Variants in COL19A1 observed in about 807,000 individuals in gnomAD.
COL19A1 encodes the protein collagen alpha-1(XIX) chain.
In COL19A1, 159 loss-of-function variants were observed where a neutral mutation model predicts 190.2. The observed-to-expected ratio is 0.84, with a 90% confidence interval of 0.73 to 0.95. COL19A1 has a LOEUF of 0.95. COL19A1 is among the 40% of genes least tolerant of loss of function. COL19A1 has a pLI of 0.00. For missense variants in COL19A1, 1,418 were observed against 1,431.9 expected, an observed-to-expected ratio of 0.99 and a Z score of 0.16; for synonymous variants, 509 against 458.9, an observed-to-expected ratio of 1.11 and a Z score of -1.39.
chr6:70,002,832 A>G (rs1225544807), intron 11 of COL19A1, among the ~76,000 whole-genome samples: 1 of 148,490 alleles, frequency 6.7e-6, no homozygotes, highest in Admixed American at 6.7e-5. Context: ...TCAAAAAAGC[A>G]GCACCTGGAT....
At position 70,125,883 on chromosome 6, in the gene COL19A1, T is replaced by G. The variant is rs1785164283; in HGVS notation, c.1341+3941T>G. Among the ~76,000 whole-genome samples the G allele has an allele frequency of 2.0e-5, 3 of 152,156 alleles. No homozygotes were observed. The South Asian group carries it at 6.2e-4, about 32-fold the overall frequency. ...ACTTCATTGTTTCCAGCTCTGGGGGTTTTAATAAAAATTTGATAGGCTCTG... is the reference window on the plus strand; with the variant it reads ...ACTTCATTGTTTCCAGCTCTGGGGGGTTTAATAAAAATTTGATAGGCTCTG... On this transcript the variant is annotated intron_variant, in intron 17 of 50. Transcript: ENST00000620364.
At chr6:70,124,331 G>A (rs755198074) in intron 17 of COL19A1, among the ~76,000 whole-genome samples, 5 of 151,962 alleles carry the variant, frequency 3.3e-5, no homozygotes, top group Non-Finnish European at 5.9e-5. Flanking sequence ...TATTACTATC[G>A]CCCTTGGTAT....
intron 17 of COL19A1, 127 bp downstream of exon 17, chr6:70,122,069 T>G (rs995758202): frequency 1.8e-5 from 10 of 557,854 alleles, no homozygotes; most frequent in Non-Finnish European, 3.1e-5. Flanking sequence ...TTAAACATCT[T>G]TCCATACTGA....
intron 11 of COL19A1, among the ~76,000 whole-genome samples, chr6:69,978,204 T>C (rs891859631): frequency 1.3e-5 from 2 of 152,166 alleles, no homozygotes; most frequent in African/African-American, 4.8e-5. Context: ...GGTTGAAGTA[T>C]AGCTGTTGCC....
At chr6:70,009,445 G>A (rs1777845345) in intron 11 of COL19A1, among the ~76,000 whole-genome samples, 1 of 151,978 alleles carries the variant, frequency 6.6e-6, no homozygotes, top group East Asian at 1.9e-4. Context: ...ATTGCTAAAA[G>A]CAATTCAAGA....
intron 15 of COL19A1, among the ~76,000 whole-genome samples, chr6:70,097,073 C>T (rs1480675446): frequency 6.6e-6 from 1 of 152,162 alleles, no homozygotes; most frequent in Non-Finnish European, 1.5e-5. Flanking sequence ...CAAAAACCAT[C>T]TGTCAAATAA....
intron 15 of COL19A1, among the ~76,000 whole-genome samples, chr6:70,077,980 T>A (rs9454963): frequency 0.19 from 29,083 of 152,212 alleles, 4,002 homozygotes; most frequent in African/African-American, 0.36. Flanking sequence ...ATGTGTTTTA[T>A]GCAGTCTTCC....
rs1779409275 is a variant in COL19A1, at chr6:70,037,393, T to C, written c.1170+1454T>C. Among the ~76,000 whole-genome samples the C allele has an allele frequency of 2.0e-5, 3 of 152,084 alleles. No homozygotes were observed. The South Asian group carries it at 6.2e-4, about 32-fold the overall frequency. On this transcript the variant is annotated intron_variant, in intron 14 of 50. Transcript: ENST00000620364. ...CTGGTCTGGAACTCCTGACCTCAGGTGATCCGCCCACTTCGGCCTCCCAAA... is the reference window on the plus strand; with the variant it reads ...CTGGTCTGGAACTCCTGACCTCAGGCGATCCGCCCACTTCGGCCTCCCAAA...
chr6:70,038,437 TATATC>T (rs772321896), intron 14 of COL19A1, among the ~76,000 whole-genome samples: 1 of 152,210 alleles, frequency 6.6e-6, no homozygotes, highest in Non-Finnish European at 1.5e-5. Flanking sequence ...TCAAAAAAAT[TATATC>T]AGATTGTTGA....
At chr6:69,913,519 G>A (rs888130022) in intron 4 of COL19A1, among the ~76,000 whole-genome samples, 6 of 152,192 alleles carry the variant, frequency 3.9e-5, no homozygotes, top group African/African-American at 9.7e-5. Flanking sequence ...GAAAAGTTGA[G>A]CCTTGAAGTG....
chr6:70,097,657 C>T (rs1231691062), intron 15 of COL19A1, among the ~76,000 whole-genome samples: 1 of 152,160 alleles, frequency 6.6e-6, no homozygotes, highest in East Asian at 1.9e-4. Context: ...CTAATAATCT[C>T]CACACTGTTG....
chr6:69,938,990 A>G (rs532866474), intron 9 of COL19A1, among the ~76,000 whole-genome samples: 1 of 152,200 alleles, frequency 6.6e-6, no homozygotes, highest in East Asian at 1.9e-4. Flanking sequence ...TGTATAATCT[A>G]TTGCTCCCCC....
intron 14 of COL19A1, among the ~76,000 whole-genome samples, chr6:70,037,487 A>G (rs1388578349): frequency 6.6e-6 from 1 of 152,152 alleles, no homozygotes; most frequent in Non-Finnish European, 1.5e-5. Context: ...AAAAAAAATT[A>G]TTTAGCAGTG....
At chr6:69,879,130 G>A (rs1768331240) in intron 1 of COL19A1, among the ~76,000 whole-genome samples, 1 of 152,092 alleles carries the variant, frequency 6.6e-6, no homozygotes, top group Non-Finnish European at 1.5e-5. Context: ...GGGGATGGTT[G>A]CACAGCAATA....
At chr6:69,982,005 G>A (rs974650462) in intron 11 of COL19A1, among the ~76,000 whole-genome samples, 1 of 152,030 alleles carries the variant, frequency 6.6e-6, no homozygotes, top group African/African-American at 2.4e-5. Flanking sequence ...TGACCAAGGA[G>A]CATGACAAAC....
At chr6:69,917,233 A>T (rs552449134) in intron 4 of COL19A1, among the ~76,000 whole-genome samples, 80 of 152,346 alleles carry the variant, frequency 5.3e-4, no homozygotes, top group African/African-American at 1.9e-3. Context: ...TTTTTCTATC[A>T]AAGTTTTTGA....
At chr6:69,982,440 T>A (rs1776087463) in intron 11 of COL19A1, among the ~76,000 whole-genome samples, 1 of 151,752 alleles carries the variant, frequency 6.6e-6, no homozygotes, top group Non-Finnish European at 1.5e-5. Flanking sequence ...GGGGTTTCAC[T>A]ATGTTGGCCA....
intron 11 of COL19A1, among the ~76,000 whole-genome samples, chr6:69,974,447 T>C (rs1239822553): frequency 6.6e-6 from 1 of 152,226 alleles, no homozygotes; most frequent in Non-Finnish European, 1.5e-5. Context: ...TAAGGTTTAC[T>C]TATGTGTACA....
At chr6:70,116,057 C>T (rs1248164629) in intron 16 of COL19A1, among the ~76,000 whole-genome samples, 1 of 152,008 alleles carries the variant, frequency 6.6e-6, no homozygotes, top group Non-Finnish European at 1.5e-5. Flanking sequence ...TATTTTCTAT[C>T]TAAAGAACAT....
Sources: gnomAD v4.1 joint callset for allele counts (sites outside exome capture counted in the v4.1 genomes callset) on GRCh38, gnomAD v4.1.1 for gene constraint, MANE v1.5 for transcripts, NCBI Gene and HGNC (gene_info 2026-07-23, HGNC 2026-07-21) for gene names.